Variants in TTC3 observed in about 807,000 individuals in gnomAD.
The protein encoded by TTC3 is E3 ubiquitin-protein ligase TTC3.
Under a neutral mutation model 249.6 loss-of-function variants are expected in TTC3, and 180 were observed. That is an observed-to-expected ratio of 0.72 (90% CI 0.64 to 0.82). The LOEUF (loss-of-function observed/expected upper bound fraction) is 0.82, where lower values mean the gene tolerates loss of function less well. Ranked by LOEUF, TTC3 falls within the 40% of genes least tolerant of loss-of-function variation. The probability of loss-of-function intolerance (pLI) is 0.00; values close to 1 mark genes in which losing one functional copy is unlikely to be tolerated. For synonymous variants in TTC3, 717 were observed against 805.0 expected, an observed-to-expected ratio of 0.89 and a Z score of 1.85; for missense variants, 2,061 against 2,398.4, an observed-to-expected ratio of 0.86 and a Z score of 2.94.
At chr21:37,201,306 G>A in intron 45 of TTC3, 134 bp from the exon 46 acceptor site, 1 of 1,092,062 alleles carries the variant, frequency 9.2e-7, no homozygotes, top group South Asian at 1.3e-5. Context: ...TGGTGTCCCT[G>A]AGTATTGGGC....
chr21:37,172,634 C>A, exon 35 of TTC3: 1 of 1,613,616 alleles, frequency 6.2e-7, no homozygotes, highest in Non-Finnish European at 8.5e-7. Context: ...CCAAGTATTA[C>A]AAGACCAACT....
chr21:37,175,496 CT>C (rs2082184570), intron 35 of TTC3, among the ~76,000 whole-genome samples: 2 of 147,964 alleles, frequency 1.4e-5, no homozygotes, highest in South Asian at 4.3e-4. Context: ...ACTCGGGAGG[CT>C]GAGGTGGGAG....
chr21:37,078,609 A>G (rs1288580203), intron 1 of TTC3, among the ~76,000 whole-genome samples: 1 of 151,836 alleles, frequency 6.6e-6, no homozygotes, highest in African/African-American at 2.4e-5. Flanking sequence ...ATTTTAACTT[A>G]TTGTTAAATA....
chr21:37,169,138 G>A (rs1601945963), intron 34 of TTC3, among the ~76,000 whole-genome samples: 1 of 152,158 alleles, frequency 6.6e-6, no homozygotes, highest in Admixed American at 6.5e-5. Context: ...CATGGTAGGA[G>A]AGGTCTATAC....
At chr21:37,123,445 T>C (rs774901337) in intron 13 of TTC3, among the ~76,000 whole-genome samples, 5 of 152,220 alleles carry the variant, frequency 3.3e-5, no homozygotes, top group Non-Finnish European at 5.9e-5. Context: ...TATTTCCAGC[T>C]TCCTGATGTC....
intron 34 of TTC3, among the ~76,000 whole-genome samples, chr21:37,168,026 CTACTA>C (rs2081400891): frequency 6.6e-6 from 1 of 152,012 alleles, no homozygotes; most frequent in Non-Finnish European, 1.5e-5. Flanking sequence ...AAGACCTTCT[CTACTA>C]TAATAATGAT....
chr21:37,115,849 C>T (rs900863031), intron 11 of TTC3, among the ~76,000 whole-genome samples: 2 of 152,146 alleles, frequency 1.3e-5, no homozygotes, highest in Non-Finnish European at 2.9e-5. Flanking sequence ...GTTGGCCAGC[C>T]CCCTTATTTC....
chr21:37,087,934 C>A, intron 3 of TTC3, 59 bp downstream of exon 3: 1 of 1,319,322 alleles, frequency 7.6e-7, no homozygotes, highest in Non-Finnish European at 1.1e-6. Flanking sequence ...GGAGGTCCAT[C>A]CATCCTGTCA....
intron 17 of TTC3, among the ~76,000 whole-genome samples, chr21:37,134,156 C>T (rs1358432777): frequency 6.6e-6 from 1 of 152,048 alleles, no homozygotes; most frequent in African/African-American, 2.4e-5. Context: ...TTCATTGGTT[C>T]AAAAGCCAGC....
At chr21:37,100,661 A>G (rs542207895) in intron 10 of TTC3, among the ~76,000 whole-genome samples, 1 of 152,288 alleles carries the variant, frequency 6.6e-6, no homozygotes, top group East Asian at 1.9e-4. Flanking sequence ...AACGCAGGAG[A>G]TGGGGTTGGA....
At chr21:37,146,258 G>T (rs1453036178) in intron 21 of TTC3, among the ~76,000 whole-genome samples, 2 of 152,058 alleles carry the variant, frequency 1.3e-5, no homozygotes, top group African/African-American at 4.8e-5. Context: ...GCCAGTCTTG[G>T]TGGCTTACGC....
At chr21:37,118,671 C>A (rs528124203) in intron 11 of TTC3, among the ~76,000 whole-genome samples, 1 of 152,246 alleles carries the variant, frequency 6.6e-6, no homozygotes, top group African/African-American at 2.4e-5. Context: ...ATGGTTGGAT[C>A]CAGATTTGTA....
At chr21:37,169,966 A>T (rs983584559) in intron 34 of TTC3, among the ~76,000 whole-genome samples, 1 of 152,154 alleles carries the variant, frequency 6.6e-6, no homozygotes, top group Non-Finnish European at 1.5e-5. Flanking sequence ...CTTGGTCCCT[A>T]CCTCATTCCT....
chr21:37,095,198 A>G (rs2073809488), intron 8 of TTC3, 152 bp from the exon 9 acceptor site: 3 of 568,856 alleles, frequency 5.3e-6, no homozygotes, highest in Middle Eastern at 4.8e-4. Flanking sequence ...GTAACAAAAT[A>G]TTGGGTATTG....
At chr21:37,088,204 A>T in exon 4 of TTC3, 1 of 1,571,628 alleles carries the variant, frequency 6.4e-7, no homozygotes, top group Non-Finnish European at 8.6e-7. Context: ...AGAATTTGAC[A>T]TCTGCAGTAT....
intron 14 of TTC3, among the ~76,000 whole-genome samples, chr21:37,125,248 G>T (rs1262779328): frequency 6.6e-6 from 1 of 152,164 alleles, no homozygotes; most frequent in Non-Finnish European, 1.5e-5. Context: ...AAATCACACA[G>T]GTTTACTTAG....
intron 11 of TTC3, among the ~76,000 whole-genome samples, chr21:37,114,112 C>A (rs529094623): frequency 1.3e-5 from 2 of 152,246 alleles, no homozygotes; most frequent in South Asian, 4.2e-4. Flanking sequence ...CAATACCATT[C>A]GGGACATAGG....
exon 21 of TTC3, chr21:37,144,567 G>C: frequency 6.2e-7 from 1 of 1,612,504 alleles, no homozygotes; most frequent in Non-Finnish European, 8.5e-7. Flanking sequence ...CAAGAACCTT[G>C]ATTTATCGTC....
In TTC3 at chr21:37,167,998, G is replaced by A. The variant is rs542387472; in HGVS notation, c.4467+378G>A. Among the ~76,000 whole-genome samples the A allele has an allele frequency of 1.2e-3, 185 of 151,914 alleles. 1 individual carries two copies. The highest frequency in any genetic ancestry group is 5.0e-3 in the South Asian group (24 of 4,818). On this transcript the variant is annotated intron_variant, in intron 34 of 45. Transcript: ENST00000355666. Reference sequence around the variant, plus strand: ...AATTTATAAGTAAGCTTATTCATGCGAATAATACAGAAAGATAAAGACCTT... The same window carrying A: ...AATTTATAAGTAAGCTTATTCATGCAAATAATACAGAAAGATAAAGACCTT...
Sources: gnomAD v4.1 joint callset for allele counts (sites outside exome capture counted in the v4.1 genomes callset) on GRCh38, gnomAD v4.1.1 for gene constraint, MANE v1.5 for transcripts, NCBI Gene and HGNC (gene_info 2026-07-23, HGNC 2026-07-21) for gene names.